Variants in VLDLR observed in about 807,000 individuals in gnomAD.
VLDLR encodes very low density lipoprotein receptor.
Under a neutral mutation model 112.7 loss-of-function variants are expected in VLDLR, and 81 were observed. The observed-to-expected ratio is 0.72, with a 90% CI of 0.60 to 0.86. VLDLR has a LOEUF of 0.86. Ranked by LOEUF, VLDLR falls within the 40% of genes least tolerant of loss-of-function variation. VLDLR has a pLI of 0.00. For synonymous variants in VLDLR, 436 were observed against 384.8 expected (o/e 1.13, Z -1.56); for missense variants, 1,237 against 1,099.4 (o/e 1.13, Z -1.77).
In VLDLR at chr9:2,654,773, C is replaced by G. The variant is rs1243521333; in HGVS notation, c.*905C>G. ...TTGTTTCCTGATCGAGAAACACGTG[C>G]TAAGATTTCTATGAATTCTGCTTCT... is the stretch of plus-strand genomic sequence containing the variant. On this transcript the variant is annotated 3_prime_UTR_variant, in exon 19 of 19. Transcript: ENST00000382100. The G allele has an allele frequency of 6.6e-6, 1 of 152,126 alleles. No homozygotes were observed. Among genetic ancestry groups the G allele is most frequent in the African/African-American group, 2.4e-5 (1 of 41,410 alleles). The allele number at this position is 152,126 out of a possible 1,614,324, so 9.4% of individuals were successfully genotyped here. A position where few individuals can be genotyped will look rare whatever the true frequency, so the allele number is the denominator to read the frequency against.
chr9:2,630,395 G>A (rs12337531), intron 1 of VLDLR, among the ~76,000 whole-genome samples: 5,227 of 152,070 alleles, frequency 0.034, 324 homozygotes, highest in African/African-American at 0.12. Flanking sequence ...ATTCCAGCAA[G>A]TAACACCCAT....
chr9:2,622,135 G>C lies in VLDLR; in HGVS notation c.-55G>C. ...CTTTCGGAAGGACTGGTAACTTGTC[G>C]TGCGGAGCGAACGGCGGCGGCGGCG... is the stretch of plus-strand genomic sequence containing the variant. On this transcript the variant is annotated 5_prime_UTR_variant, in exon 1 of 19. Coordinates refer to ENST00000382100, the MANE Select transcript of VLDLR (RefSeq NM_003383.5). 1 of 1,427,632 alleles carries C rather than the reference G, an allele frequency of 7.0e-7. No homozygotes were observed. Among genetic ancestry groups the C allele is most frequent in the Non-Finnish European group, 9.2e-7 (1 of 1,086,962 alleles). 88.4% of individuals were successfully genotyped at this position (1,427,632 alleles called of 1,614,324 possible). A position where few individuals can be genotyped will look rare whatever the true frequency, so the allele number is the denominator to read the frequency against.
Position 2,659,749 on chromosome 9 carries a change from G to A in VLDLR, c.*5881G>A, listed in dbSNP as rs1314357891. The A allele has an allele frequency of 3.3e-5, 5 of 152,226 alleles. No individual in the cohort carries two copies. The East Asian group carries it at 9.6e-4, about 29-fold the overall frequency. The allele number at this position is 152,226 out of a possible 1,614,324, so 9.4% of individuals were successfully genotyped here. A position where few individuals can be genotyped will look rare whatever the true frequency, so the allele number is the denominator to read the frequency against. On this transcript the variant is annotated 3_prime_UTR_variant, in exon 19 of 19. Transcript: ENST00000382100. ...ATCTTAAGTATTCTGGAATATACCA[G>A]ATTGGTAGAACTACCAGACTTGGGT...
rs781596773 is a variant in VLDLR at position 2,655,336 on chromosome 9, T to C, written c.*1468T>C. On this transcript the variant is annotated 3_prime_UTR_variant, in exon 19 of 19. Transcript: ENST00000382100. ...TTCCATCAGGTTGGCCATTACTTTC[T>C]TTCTCTAAAGTCTCAGGATGTCTGG... 2 of 152,184 alleles carry C rather than the reference T, an allele frequency of 1.3e-5. No homozygotes were observed. The highest frequency in any genetic ancestry group is 2.9e-5 in the Non-Finnish European group (2 of 68,048). 9.4% of individuals were successfully genotyped at this position (152,184 alleles called of 1,614,324 possible). A position where few individuals can be genotyped will look rare whatever the true frequency, so the allele number is the denominator to read the frequency against.
chr9:2,648,299 A>G lies in VLDLR; in HGVS notation c.1914A>G (p.Leu638=). 2 of 1,614,222 alleles carry G rather than the reference A, an allele frequency of 1.2e-6. No homozygotes were observed. The highest frequency in any genetic ancestry group is 1.7e-6 in the Non-Finnish European group (2 of 1,180,028). The change falls in exon 13 of 19, where the codon CTA becomes CTG. Residue 638 remains leucine (L), a synonymous_variant. Coordinates refer to ENST00000382100, the MANE Select transcript of VLDLR (RefSeq NM_003383.5). Reference sequence around the variant, plus strand: ...ATGGCCAAGATCGTAGGATAGTACTAAAGTCTCTGGAGTTCCTAGCTCATC... The same window carrying G: ...ATGGCCAAGATCGTAGGATAGTACTGAAGTCTCTGGAGTTCCTAGCTCATC... ...DLNGQDRRIV[L]KSLEFLAHPL...
chr9:2,646,037 TAC>T (rs1818053621), intron 10 of VLDLR, among the ~76,000 whole-genome samples: 1 of 152,118 alleles, frequency 6.6e-6, no homozygotes. Context: ...GAAATGGTAG[TAC>T]AGCCTTTTCT....
chr9:2,653,647 G>A (rs554606299), intron 18 of VLDLR, among the ~76,000 whole-genome samples, 186 bp from the exon 19 acceptor site: 1 of 152,154 alleles, frequency 6.6e-6, no homozygotes, highest in Non-Finnish European at 1.5e-5. Flanking sequence ...TACCAAGCAG[G>A]TATAGTTGAA....
chr9:2,634,267 G>C (rs1817500661), intron 1 of VLDLR, among the ~76,000 whole-genome samples: 1 of 152,180 alleles, frequency 6.6e-6, no homozygotes, highest in Non-Finnish European at 1.5e-5. Flanking sequence ...TAACACAAGA[G>C]TTCCAGTCTG....
chr9:2,645,282 A>G (rs890004589), intron 9 of VLDLR, among the ~76,000 whole-genome samples, 200 bp downstream of exon 9: 2 of 152,184 alleles, frequency 1.3e-5, no homozygotes. Flanking sequence ...TTTGCATATG[A>G]TACCATGAAT....
intron 1 of VLDLR, 135 bp downstream of exon 1, chr9:2,622,406 C>T (rs1816847951): frequency 5.3e-6 from 4 of 760,590 alleles, no homozygotes; most frequent in Non-Finnish European, 7.5e-6. Context: ...CCCTCCCTCC[C>T]CTCCGTGGTG....
intron 7 of VLDLR, among the ~76,000 whole-genome samples, chr9:2,644,460 C>T (rs1386005030): frequency 5.9e-5 from 9 of 151,758 alleles, no homozygotes; most frequent in East Asian, 5.8e-4. Context: ...TGAGCCACCG[C>T]GCCCGGCCCA....
In VLDLR at chr9:2,646,357, G is replaced by T. The variant is rs1411032334; in HGVS notation, c.1508G>T (p.Gly503Val). Residue 503 changes from glycine (G) to valine (V), a missense_variant, in exon 11 of 19, where the codon GGT (glycine) becomes GTT (valine). Physicochemically the swap from Gly to Val is moderately radical, Grantham distance 109 (BLOSUM62 -3). Coordinates refer to ENST00000382100, the MANE Select transcript of VLDLR (RefSeq NM_003383.5). ...AGTGCCTCAATTGATGACAAGGTTG[G>T]TAGACATGTTAAAATGATCGACAAT... is the stretch of plus-strand genomic sequence containing the variant. ...IFSASIDDKVGRHVKMIDNVY... is the reference protein window; with the variant it reads ...IFSASIDDKVVRHVKMIDNVY... The T allele has an allele frequency of 1.2e-6, 2 of 1,614,136 alleles. No homozygotes were observed. The highest frequency in any genetic ancestry group is 2.2e-5 in the South Asian group (2 of 91,070).
rs1159643333 is a variant in VLDLR at position 2,639,905 on chromosome 9, G to A, written c.249G>A (p.Gln83=). 6.2e-7 allele frequency: 1 copy of A among 1,614,202 alleles called. No individual in the cohort carries two copies. The highest frequency in any genetic ancestry group is 1.7e-5 in the Admixed American group (1 of 60,024). The part of the protein sequence containing the change: ...AESDFVCNNG[Q]CVPSRWKCDG... ...CTGACTTCGTGTGCAACAATGGCCAGTGTGTTCCCAGCCGATGGAAGTGTG... is the reference window on the plus strand; with the variant it reads ...CTGACTTCGTGTGCAACAATGGCCAATGTGTTCCCAGCCGATGGAAGTGTG... Residue 83 remains glutamine (Q), a synonymous_variant, in exon 3 of 19, where the codon CAG becomes CAA. Coordinates refer to ENST00000382100, the MANE Select transcript of VLDLR (RefSeq NM_003383.5).
intron 14 of VLDLR, among the ~76,000 whole-genome samples, 179 bp downstream of exon 14, chr9:2,648,989 A>T (rs1488594341): frequency 1.3e-5 from 2 of 152,192 alleles, no homozygotes; most frequent in African/African-American, 4.8e-5. Flanking sequence ...CCTCAGAGAA[A>T]TGGCTTCTCA....
At chr9:2,638,809 T>G (rs1187815444) in intron 2 of VLDLR, among the ~76,000 whole-genome samples, 1 of 152,216 alleles carries the variant, frequency 6.6e-6, no homozygotes, top group African/African-American at 2.4e-5. Context: ...CTTAGGCTAT[T>G]TTAACATTAG....
At chr9:2,630,335 A>G (rs1817285997) in intron 1 of VLDLR, among the ~76,000 whole-genome samples, 1 of 152,220 alleles carries the variant, frequency 6.6e-6, no homozygotes, top group South Asian at 2.1e-4. Context: ...TAGACTAAAA[A>G]TAAATGCCCT....
chr9:2,651,667 A>C (rs762682008), intron 16 of VLDLR, among the ~76,000 whole-genome samples, 169 bp downstream of exon 16: 1 of 152,232 alleles, frequency 6.6e-6, no homozygotes, highest in Non-Finnish European at 1.5e-5. Context: ...GACTGATCTT[A>C]AAGGTTTCTA....
intron 1 of VLDLR, among the ~76,000 whole-genome samples, chr9:2,624,622 G>C (rs190635970): frequency 6.6e-6 from 1 of 152,320 alleles, no homozygotes; most frequent in Admixed American, 6.5e-5. Flanking sequence ...TATATGGCTA[G>C]CAACTAGCCT....
intron 1 of VLDLR, 44 bp downstream of exon 1, chr9:2,622,315 G>A (rs34222624): frequency 1.4e-6 from 2 of 1,422,574 alleles, no homozygotes; most frequent in Admixed American, 2.8e-5. Context: ...GGACCCAGCC[G>A]GGGCACCGGG....
Sources: allele counts gnomAD v4.1 joint callset (sites outside exome capture counted in the v4.1 genomes callset), GRCh38; gene constraint gnomAD v4.1.1; transcripts MANE v1.5; gene names NCBI Gene and HGNC (gene_info 2026-07-23, HGNC 2026-07-21).